Variants in SGCZ observed in about 807,000 individuals in gnomAD.
SGCZ encodes sarcoglycan zeta.
SGCZ carries 40 observed loss-of-function variants against 41.3 expected under a neutral mutation model. The ratio of observed to expected loss-of-function variants is 0.97; its 90% CI spans 0.75 to 1.26. The LOEUF (loss-of-function observed/expected upper bound fraction) is 1.26, where lower values mean the gene tolerates loss of function less well. Ranked by LOEUF, SGCZ falls within the 50% of genes most tolerant of loss-of-function variation. The probability of loss-of-function intolerance (pLI) is 0.00; values close to 1 mark genes in which losing one functional copy is unlikely to be tolerated. For missense variants in SGCZ, 552 were observed against 369.8 expected (o/e 1.49, Z -4.04); for synonymous variants, 206 against 137.5 (o/e 1.50, Z -3.49).
intron 1 of SGCZ, among the ~76,000 whole-genome samples, chr8:14,564,457 A>G (rs1804298171): frequency 6.6e-6 from 1 of 152,180 alleles, no homozygotes; most frequent in South Asian, 2.1e-4. Flanking sequence ...CGTCTTAGGG[A>G]AAGTCACTTA....
At chr8:14,293,448 G>C (rs758047826) in intron 3 of SGCZ, among the ~76,000 whole-genome samples, 34 of 152,082 alleles carry the variant, frequency 2.2e-4, no homozygotes, top group Non-Finnish European at 4.3e-4. Flanking sequence ...TCCACCTACA[G>C]ACACCCAGTG....
intron 2 of SGCZ, among the ~76,000 whole-genome samples, chr8:14,496,802 GT>G (rs1451238226): frequency 6.6e-6 from 1 of 152,132 alleles, no homozygotes; most frequent in Non-Finnish European, 1.5e-5. Flanking sequence ...AAATAAGAAA[GT>G]TGTTTTCTCA....
intron 2 of SGCZ, among the ~76,000 whole-genome samples, chr8:14,419,188 C>A (rs1216514794): frequency 6.6e-6 from 1 of 151,984 alleles, no homozygotes; most frequent in South Asian, 2.1e-4. Flanking sequence ...TTACCCTACT[C>A]AATTCAGAAG....
At chr8:14,836,841 C>A (rs182510612) in intron 1 of SGCZ, among the ~76,000 whole-genome samples, 6 of 152,150 alleles carry the variant, frequency 3.9e-5, no homozygotes, top group African/African-American at 1.4e-4. Flanking sequence ...AATTATGTCA[C>A]TTCCTTCTTA....
intron 1 of SGCZ, among the ~76,000 whole-genome samples, chr8:14,596,951 C>G (rs1323902045): frequency 6.6e-6 from 1 of 152,024 alleles, no homozygotes. Flanking sequence ...AAAAAACAAC[C>G]TGTCATCAAC....
At chr8:15,182,534 C>G (rs1027955848) in intron 1 of SGCZ, among the ~76,000 whole-genome samples, 1 of 152,032 alleles carries the variant, frequency 6.6e-6, no homozygotes, top group Non-Finnish European at 1.5e-5. Context: ...ATTTGTGTAT[C>G]TAAACATAAA....
intron 1 of SGCZ, among the ~76,000 whole-genome samples, chr8:14,620,600 C>A (rs1343323217): frequency 2.1e-5 from 3 of 142,456 alleles, no homozygotes; most frequent in Non-Finnish European, 4.7e-5. Flanking sequence ...TGAGAAAAAA[C>A]AAACAACCCC....
chr8:14,383,404 T>G (rs770324510), intron 2 of SGCZ, among the ~76,000 whole-genome samples: 1 of 152,220 alleles, frequency 6.6e-6, no homozygotes, highest in East Asian at 1.9e-4. Flanking sequence ...AGTGACCATA[T>G]GTCCCAATTT....
chr8:14,215,044 A>G (rs1805947813), intron 4 of SGCZ, among the ~76,000 whole-genome samples: 1 of 152,186 alleles, frequency 6.6e-6, no homozygotes, highest in Non-Finnish European at 1.5e-5. Flanking sequence ...AGAGCACTTC[A>G]CTAAACAAAA....
At chr8:14,650,609 T>C (rs1807366346) in intron 1 of SGCZ, among the ~76,000 whole-genome samples, 1 of 151,980 alleles carries the variant, frequency 6.6e-6, no homozygotes, top group Admixed American at 6.6e-5. Context: ...TTATCTTTAA[T>C]ATTAAGCTGG....
intron 3 of SGCZ, among the ~76,000 whole-genome samples, chr8:14,261,752 C>T (rs897390214): frequency 1.8e-4 from 27 of 152,120 alleles, no homozygotes; most frequent in African/African-American, 6.0e-4. Context: ...GATGGAGTAA[C>T]AGACTCCATA....
At chr8:14,904,086 C>T (rs1048101794) in intron 1 of SGCZ, among the ~76,000 whole-genome samples, 1 of 152,062 alleles carries the variant, frequency 6.6e-6, no homozygotes, top group Non-Finnish European at 1.5e-5. Flanking sequence ...TAGTCTTCCT[C>T]ATACTAGTCG....
intron 2 of SGCZ, among the ~76,000 whole-genome samples, chr8:14,544,182 C>G (rs913284162): frequency 7.9e-5 from 12 of 152,110 alleles, no homozygotes; most frequent in African/African-American, 2.4e-4. Context: ...GGACATTTAT[C>G]AGTTCCCAAA....
At position 14,495,866 on chromosome 8, in the gene SGCZ, C is replaced by T. The variant is rs549907599; in HGVS notation, c.234+58866G>A. On this transcript the variant is annotated intron_variant, in intron 2 of 7. Coordinates refer to ENST00000382080, the MANE Select transcript of SGCZ (RefSeq NM_139167.4). Reference sequence around the variant, plus strand: ...ACTAAATTTCAGAGAAAAACAAGCCCTTCCTGGGTGATCACAGGCCAGCAG... The same window carrying T: ...ACTAAATTTCAGAGAAAAACAAGCCTTTCCTGGGTGATCACAGGCCAGCAG... Among the ~76,000 whole-genome samples, 12 of 152,186 alleles carry T rather than the reference C, an allele frequency of 7.9e-5. 1 individual carries two copies. The highest frequency in any genetic ancestry group is 2.6e-4 in the African/African-American group (11 of 41,536).
chr8:14,132,201 A>AT (rs1247088878), intron 5 of SGCZ, among the ~76,000 whole-genome samples: 9 of 151,442 alleles, frequency 5.9e-5, no homozygotes, highest in Admixed American at 4.6e-4. Flanking sequence ...AAAGTTTGCT[A>AT]TTTTTTTCTT....
chr8:14,946,054 AT>A (rs1800435578), intron 1 of SGCZ, among the ~76,000 whole-genome samples: 1 of 90,988 alleles, frequency 1.1e-5, no homozygotes, highest in Non-Finnish European at 2.2e-5. Flanking sequence ...ATATATATAT[AT>A]GAATCATTCT....
chr8:15,021,550 T>C (rs1803248664), intron 1 of SGCZ, among the ~76,000 whole-genome samples: 3 of 152,160 alleles, frequency 2.0e-5, no homozygotes, highest in South Asian at 4.1e-4. Flanking sequence ...AGGATAGAAA[T>C]TGAGATCTCT....
intron 1 of SGCZ, among the ~76,000 whole-genome samples, chr8:14,918,169 C>G (rs1443814509): frequency 6.6e-6 from 1 of 152,088 alleles, no homozygotes; most frequent in Non-Finnish European, 1.5e-5. Context: ...TCTTTCTTCT[C>G]CATTTTCTTT....
At chr8:15,081,555 G>T (rs1228438140) in intron 1 of SGCZ, among the ~76,000 whole-genome samples, 1 of 147,644 alleles carries the variant, frequency 6.8e-6, no homozygotes, top group Non-Finnish European at 1.5e-5. Flanking sequence ...TGAAAAAGAA[G>T]GTTTGAAAGA....
Sources: allele counts gnomAD v4.1 joint callset (sites outside exome capture counted in the v4.1 genomes callset), GRCh38; gene constraint gnomAD v4.1.1; transcripts MANE v1.5; gene names NCBI Gene and HGNC (gene_info 2026-07-23, HGNC 2026-07-21).